Variants in RPH3AL observed in about 807,000 individuals in gnomAD.
RPH3AL encodes rabphilin 3A like (without C2 domains).
Under a neutral mutation model 43.1 loss-of-function variants are expected in RPH3AL, and 38 were observed. The observed-to-expected ratio is 0.88, with a 90% CI of 0.68 to 1.15. The LOEUF is 1.15. RPH3AL is among the 50% of genes most tolerant of loss of function. The probability of loss-of-function intolerance (pLI) is 0.00; values close to 1 mark genes in which losing one functional copy is unlikely to be tolerated. For missense variants in RPH3AL, 462 were observed against 423.2 expected (o/e 1.09, Z -0.81); for synonymous variants, 189 against 176.3 (o/e 1.07, Z -0.57).
chr17:223,979 G>A (rs1220580366), intron 7 of RPH3AL, among the ~76,000 whole-genome samples: 3 of 152,176 alleles, frequency 2.0e-5, no homozygotes, highest in Non-Finnish European at 2.9e-5. Context: ...CCAGCAGAGC[G>A]GCCAGCACAC....
At position 242,781 on chromosome 17, in the gene RPH3AL, CCTTCCTCTAATGACTA is replaced by C. The variant is rs1555537654; in HGVS notation, c.613+4314_613+4329del. Among the ~76,000 whole-genome samples, 51 of 102,608 alleles carry C rather than the reference CCTTCCTCTAATGACTA, an allele frequency of 5.0e-4. 5 individuals carry two copies. Among genetic ancestry groups the C allele is most frequent in the East Asian group, 9.6e-4 (3 of 3,112 alleles). 67.3% of individuals were successfully genotyped at this position (102,608 alleles called of 152,430 possible). A position where few individuals can be genotyped will look rare whatever the true frequency, so the allele number is the denominator to read the frequency against. ...ATTGATTACCTTCCTCTATTGACTACCTTCCTCTAATGACTACCTTCCTCTATTGATTACCTTCCTC... is the reference window on the plus strand; with the variant it reads ...ATTGATTACCTTCCTCTATTGACTACCCTTCCTCTATTGATTACCTTCCTC... On this transcript the variant is annotated intron_variant, in intron 7 of 9. Transcript: ENST00000331302.
intron 6 of RPH3AL, among the ~76,000 whole-genome samples, chr17:258,910 G>A (rs945251445): frequency 4.0e-5 from 6 of 151,878 alleles, no homozygotes; most frequent in East Asian, 1.9e-4. Context: ...ACAGCAACAC[G>A]CCACCATGCC....
chr17:303,409 A>G (rs1327946037), intron 5 of RPH3AL, among the ~76,000 whole-genome samples: 3 of 152,224 alleles, frequency 2.0e-5, no homozygotes, highest in Non-Finnish European at 2.9e-5. Flanking sequence ...AATCACGAAA[A>G]AAAAAAAGAT....
At chr17:239,947 G>C (rs1443782078) in intron 7 of RPH3AL, among the ~76,000 whole-genome samples, 1 of 152,190 alleles carries the variant, frequency 6.6e-6, no homozygotes, top group Non-Finnish European at 1.5e-5. Flanking sequence ...CTATTAGAAA[G>C]AGTTTTTTGG....
intron 6 of RPH3AL, among the ~76,000 whole-genome samples, chr17:273,040 C>T (rs8067536): frequency 0.15 from 7,852 of 53,556 alleles, 20 homozygotes; most frequent in African/African-American, 0.21. Flanking sequence ...CCAGCGAGGG[C>T]GACGTCAGGG....
At chr17:307,156 T>C (rs1356347168) in intron 5 of RPH3AL, among the ~76,000 whole-genome samples, 33 of 107,592 alleles carry the variant, frequency 3.1e-4, no homozygotes, top group Admixed American at 3.7e-4. Flanking sequence ...GTCCTCCCCA[T>C]GGCAGGCCCA....
At chr17:304,984 G>A (rs2043437520) in intron 5 of RPH3AL, among the ~76,000 whole-genome samples, 1 of 38,962 alleles carries the variant, frequency 2.6e-5, no homozygotes, top group East Asian at 8.9e-4. Flanking sequence ...AGGGCGGGAG[G>A]GGGACAGGGC....
rs568713074 is a variant in RPH3AL, at chr17:335,042, C to T, written c.-212-1108G>A. 7.9e-5 allele frequency among the ~76,000 whole-genome samples: 12 copies of T among 152,324 alleles called. No homozygotes were observed. The South Asian group carries it at 1.0e-3, about 13-fold the overall frequency. On this transcript the variant is annotated intron_variant, in intron 1 of 9. Coordinates refer to ENST00000331302, the MANE Select transcript of RPH3AL (RefSeq NM_006987.4). ...GGCTTCAGACTCCTAGGGTGTGGCA[C>T]GAACGAGCGCGCTTTCATCCAGCCA...
rs189870962 is a variant in RPH3AL at position 319,501 on chromosome 17, G to A, written c.270C>T (p.Asn90=). Residue 90 remains asparagine (N), a synonymous_variant, in exon 5 of 10, where the codon AAC becomes AAT. Coordinates refer to ENST00000331302, the MANE Select transcript of RPH3AL (RefSeq NM_006987.4). ...CGCAGAGCAGACACTGGGACAGGCC[G>A]TTCCCCATCACATTCCGCCTCATGG... The part of the protein sequence containing the change: ...LETMRRNVMG[N]GLSQCLLCGE... 1.2e-4 allele frequency: 196 copies of A among 1,612,366 alleles called. No homozygotes were observed. Among genetic ancestry groups the A allele is most frequent in the African/African-American group, 1.0e-3 (75 of 75,004 alleles).
chr17:218,936 C>G (rs2040880222), intron 8 of RPH3AL, among the ~76,000 whole-genome samples: 1 of 152,140 alleles, frequency 6.6e-6, no homozygotes, highest in African/African-American at 2.4e-5. Flanking sequence ...GAGGCAAACT[C>G]TCAGTTGGGG....
intron 6 of RPH3AL, among the ~76,000 whole-genome samples, chr17:249,841 C>T (rs1181245567): frequency 1.4e-5 from 2 of 145,428 alleles, no homozygotes; most frequent in African/African-American, 5.1e-5. Flanking sequence ...CCTCTCGGGG[C>T]CTTTACCAAG....
chr17:267,372 A>T lies in RPH3AL; in HGVS notation c.438+14396T>A, dbSNP rs145086864. Reference sequence around the variant, plus strand: ...GCTGCGAAGCCGCCTCTGTTCCCAGACGGAGTGGGCTGCATGCAGGAAATG... The same window carrying T: ...GCTGCGAAGCCGCCTCTGTTCCCAGTCGGAGTGGGCTGCATGCAGGAAATG... On this transcript the variant is annotated intron_variant, in intron 6 of 9. Transcript: ENST00000331302. 1.1e-4 allele frequency among the ~76,000 whole-genome samples: 16 copies of T among 152,302 alleles called. No homozygotes were observed. In the East Asian group the frequency reaches 3.1e-3, roughly 29 times the overall value.
chr17:268,811 G>A (rs368709124), intron 6 of RPH3AL, among the ~76,000 whole-genome samples: 8 of 151,994 alleles, frequency 5.3e-5, no homozygotes, highest in South Asian at 2.1e-4. Context: ...CAATCCTCCC[G>A]CCTCAGCCTC....
chr17:253,130 G>C (rs564146060), intron 6 of RPH3AL, among the ~76,000 whole-genome samples: 1 of 152,190 alleles, frequency 6.6e-6, no homozygotes, highest in African/African-American at 2.4e-5. Context: ...GGTGGGCTTG[G>C]GGAGAGGCAT....
intron 6 of RPH3AL, among the ~76,000 whole-genome samples, chr17:263,347 A>C (rs553850631): frequency 6.6e-6 from 1 of 152,328 alleles, no homozygotes; most frequent in Non-Finnish European, 1.5e-5. Context: ...GAAGCAGAGG[A>C]GTCCAAGCTG....
At chr17:334,723 G>C (rs4993402) in intron 1 of RPH3AL, among the ~76,000 whole-genome samples, 3 of 121,224 alleles carry the variant, frequency 2.5e-5, no homozygotes, top group Non-Finnish European at 3.5e-5. Context: ...ACCACCCCCA[G>C]CAAGTGCGGC....
At chr17:331,567 G>A in intron 2 of RPH3AL, 3 of 1,275,198 alleles carry the variant, frequency 2.4e-6, no homozygotes, top group Non-Finnish European at 3.1e-6. Context: ...GATGGTGGGA[G>A]AGGAAGGGCA....
In RPH3AL at chr17:213,559, C is replaced by T. The variant is rs562609613; in HGVS notation, c.*293G>A. On this transcript the variant is annotated 3_prime_UTR_variant, in exon 10 of 10. Transcript: ENST00000331302. ...AAACCCCCCAGCCCAACCCAAGACACGCGCAAACTTAAAATCATCACCAGG... is the reference window on the plus strand; with the variant it reads ...AAACCCCCCAGCCCAACCCAAGACATGCGCAAACTTAAAATCATCACCAGG... 34 of 515,712 alleles carry T rather than the reference C, an allele frequency of 6.6e-5. No individual in the cohort carries two copies. The highest frequency in any genetic ancestry group is 5.3e-4 in the Middle Eastern group (1 of 1,872). The allele number at this position is 515,712 out of a possible 1,614,324, so 31.9% of individuals were successfully genotyped here.
chr17:219,535 T>TTTTTTG, intron 8 of RPH3AL, 88 bp downstream of exon 8: 1 of 261,994 alleles, frequency 3.8e-6, no homozygotes, highest in Non-Finnish European at 7.3e-6. Context: ...CCTTTTTTTT[T>TTTTTTG]TTTTTTTGAG....
Sources: gnomAD v4.1 joint callset for allele counts (sites outside exome capture counted in the v4.1 genomes callset) on GRCh38, gnomAD v4.1.1 for gene constraint, MANE v1.5 for transcripts, NCBI Gene and HGNC (gene_info 2026-07-23, HGNC 2026-07-21) for gene names.